TMEM26: variants seen among roughly 807,000 people sequenced by gnomAD.
The protein encoded by TMEM26 is transmembrane protein 26.
TMEM26 carries 38 observed loss-of-function variants against 28.8 expected under a neutral mutation model. The observed-to-expected ratio is 1.32, with a 90% confidence interval of 1.02 to 1.73. The LOEUF is 1.73. TMEM26 is among the 40% of genes most tolerant of loss of function. TMEM26 has a pLI of 0.00. For synonymous variants in TMEM26, 227 were observed against 182.9 expected, an observed-to-expected ratio of 1.24 and a Z score of -1.95; for missense variants, 518 against 447.1, an observed-to-expected ratio of 1.16 and a Z score of -1.43.
At chr10:61,448,914 C>A (rs971912727) in intron 1 of TMEM26, among the ~76,000 whole-genome samples, 6 of 152,154 alleles carry the variant, frequency 3.9e-5, no homozygotes, top group African/African-American at 1.4e-4. Context: ...GAGTGAACAG[C>A]CTTCAAACTT....
intron 1 of TMEM26, among the ~76,000 whole-genome samples, chr10:61,442,839 G>T (rs754066867): frequency 1.3e-5 from 2 of 152,174 alleles, no homozygotes; most frequent in African/African-American, 2.4e-5. Context: ...GCTTGGCAAA[G>T]GCTTTCTGTT....
At chr10:61,433,294 G>A (rs1839952134) in intron 2 of TMEM26, among the ~76,000 whole-genome samples, 1 of 152,112 alleles carries the variant, frequency 6.6e-6, no homozygotes, top group African/African-American at 2.4e-5. Context: ...TGGGACTGCA[G>A]TGAACAAGTG....
At chr10:61,426,972 G>T (rs1839843642) in intron 4 of TMEM26, among the ~76,000 whole-genome samples, 1 of 151,994 alleles carries the variant, frequency 6.6e-6, no homozygotes, top group African/African-American at 2.4e-5. Context: ...GACTTTGGGA[G>T]GGTTTTTGGG....
chr10:61,439,033 C>A (rs1423373742), intron 1 of TMEM26, among the ~76,000 whole-genome samples: 1 of 152,156 alleles, frequency 6.6e-6, no homozygotes, highest in Non-Finnish European at 1.5e-5. Flanking sequence ...CTGGTAAGAA[C>A]AAAGTGCTCT....
intron 1 of TMEM26, among the ~76,000 whole-genome samples, chr10:61,445,838 G>A (rs139324338): frequency 1.1e-3 from 166 of 152,132 alleles, no homozygotes; most frequent in African/African-American, 3.8e-3. Context: ...TTTTTCCACC[G>A]TTGGAAAAAA....
rs116171303 is a variant in TMEM26, at chr10:61,414,047, A to G, written c.606-512T>C. The stretch of plus-strand genomic sequence containing the variant: ...GTAAGGAGATAAATCCAATAAACAA[A>G]GATTTATACCAGATAGTAGGACATA... On this transcript the variant is annotated intron_variant, in intron 4 of 5. Transcript: ENST00000399298. 3.2e-3 allele frequency: 3,146 copies of G among 987,168 alleles called. 76 individuals are homozygous for G. The African/African-American group carries it at 0.052, about 16-fold the overall frequency. The allele number at this position is 987,168 out of a possible 1,614,324, so 61.2% of individuals were successfully genotyped here.
intron 4 of TMEM26, 49 bp from the exon 5 acceptor site, chr10:61,413,584 T>G (rs761068256): frequency 6.5e-7 from 1 of 1,542,274 alleles, no homozygotes; most frequent in East Asian, 2.3e-5. Context: ...TATGATCACA[T>G]GCAGAAAAGT....
intron 1 of TMEM26, among the ~76,000 whole-genome samples, chr10:61,447,930 T>C (rs1407850623): frequency 6.6e-6 from 1 of 152,254 alleles, no homozygotes; most frequent in African/African-American, 2.4e-5. Context: ...TGTTACCTAT[T>C]AATTCATCTG....
chr10:61,428,949 C>A lies in TMEM26; in HGVS notation c.582G>T (p.Glu194Asp). Residue 194 changes from glutamate to aspartate, a missense_variant, in exon 4 of 6, where the codon GAG (glutamate) becomes GAT (aspartate). Physicochemically the swap from Glu to Asp is conservative, Grantham distance 45. Coordinates refer to ENST00000399298, the MANE Select transcript of TMEM26 (RefSeq NM_178505.8). ...TAADILEFTS[E>D]TLEEQNVRNS... ...ACCTCACATTTTGTTCTTCTAGGGT[C>A]TCACTTGTGAATTCCAGTATGTCAG... The A allele has an allele frequency of 5.0e-6, 8 of 1,613,054 alleles. No individual in the cohort carries two copies. The highest frequency in any genetic ancestry group is 5.9e-6 in the Non-Finnish European group (7 of 1,179,340).
chr10:61,447,413 A>C (rs918782905), intron 1 of TMEM26, among the ~76,000 whole-genome samples: 1 of 152,244 alleles, frequency 6.6e-6, no homozygotes, highest in African/African-American at 2.4e-5. Context: ...TTCACTGCTG[A>C]ACTTTTCAAA....
chr10:61,411,748 G>A (rs187255896), intron 5 of TMEM26, among the ~76,000 whole-genome samples: 2 of 152,278 alleles, frequency 1.3e-5, no homozygotes, highest in East Asian at 1.9e-4. Flanking sequence ...ATTTAATTCA[G>A]GGTCAAGGGC....
rs1839546335 is a variant in TMEM26 at position 61,410,284 on chromosome 10, G to A, written c.*38C>T. 1.3e-6 allele frequency: 2 copies of A among 1,553,574 alleles called. No homozygotes were observed. The highest frequency in any genetic ancestry group is 1.2e-5 in the South Asian group (1 of 81,468). On this transcript the variant is annotated 3_prime_UTR_variant, in exon 6 of 6. Coordinates refer to ENST00000399298, the MANE Select transcript of TMEM26 (RefSeq NM_178505.8). ...GATCCTCCCTGTAAGAAGAACCAGG[G>A]AGTCAGGTTCTAGCCGCAGACCACT...
At chr10:61,438,068 C>A (rs2135323206) in intron 1 of TMEM26, among the ~76,000 whole-genome samples, 1 of 152,030 alleles carries the variant, frequency 6.6e-6, no homozygotes, top group East Asian at 1.9e-4. Flanking sequence ...TTAACCCTTT[C>A]ACTAATATAT....
At chr10:61,413,714 G>A in intron 4 of TMEM26, 179 bp from the exon 5 acceptor site, 1 of 1,293,168 alleles carries the variant, frequency 7.7e-7, no homozygotes, top group Non-Finnish European at 9.8e-7. Context: ...ATGAAGAAGT[G>A]AAAAATAAAT....
Position 61,444,438 on chromosome 10 carries a change from G to A in TMEM26, c.192-8190C>T, listed in dbSNP as rs565123655. Among the ~76,000 whole-genome samples the A allele has an allele frequency of 1.2e-4, 18 of 152,102 alleles. No individual in the cohort carries two copies. The South Asian group carries it at 1.2e-3, about 11-fold the overall frequency. The stretch of plus-strand genomic sequence containing the variant: ...GTACTTATTTCTGTTCTGTAGAGGA[G>A]ATTGGTTCTTTAGGACGAAAGTTAA... On this transcript the variant is annotated intron_variant, in intron 1 of 5. Transcript: ENST00000399298.
intron 1 of TMEM26, among the ~76,000 whole-genome samples, chr10:61,440,135 T>C (rs1840068482): frequency 6.6e-6 from 1 of 151,710 alleles, no homozygotes; most frequent in Non-Finnish European, 1.5e-5. Context: ...AGGTACTCCA[T>C]AGGCTGAGGC....
At chr10:61,438,356 T>C (rs925673138) in intron 1 of TMEM26, among the ~76,000 whole-genome samples, 1 of 152,228 alleles carries the variant, frequency 6.6e-6, no homozygotes, top group South Asian at 2.1e-4. Context: ...GAGATAATAT[T>C]TCCCTTGTGA....
intron 4 of TMEM26, chr10:61,414,875 G>C (rs1057373873): frequency 1.0e-5 from 5 of 490,574 alleles, no homozygotes; most frequent in African/African-American, 6.3e-5. Context: ...TTTAAACAAG[G>C]CTTCTGAAAA....
chr10:61,410,893 C>A (rs997169350), intron 5 of TMEM26, 147 bp from the exon 6 acceptor site: 1 of 883,850 alleles, frequency 1.1e-6, no homozygotes. Context: ...ATGGAATGAT[C>A]CAGTAATTTA....
Sources: allele counts gnomAD v4.1 joint callset (sites outside exome capture counted in the v4.1 genomes callset), GRCh38; gene constraint gnomAD v4.1.1; transcripts MANE v1.5; gene names NCBI Gene and HGNC (gene_info 2026-07-23, HGNC 2026-07-21).